NSRP1: variants seen among roughly 807,000 people sequenced by gnomAD.
NSRP1 encodes the protein coiled-coil domain containing 55.
In NSRP1, 24 loss-of-function variants were observed where a neutral mutation model predicts 54.7. The ratio of observed to expected loss-of-function variants is 0.44; its 90% CI spans 0.32 to 0.62. The LOEUF (loss-of-function observed/expected upper bound fraction) is 0.62, where lower values mean the gene tolerates loss of function less well. Ranked by LOEUF, NSRP1 falls within the 20% of genes least tolerant of loss-of-function variation. NSRP1 has a pLI of 0.06. For synonymous variants in NSRP1, 210 were observed against 213.8 expected (o/e 0.98, Z 0.15); for missense variants, 596 against 651.2 (o/e 0.92, Z 0.92).
intron 2 of NSRP1, among the ~76,000 whole-genome samples, chr17:30,120,435 C>T (rs927802939): frequency 2.0e-5 from 3 of 152,234 alleles, no homozygotes; most frequent in Admixed American, 6.5e-5. Context: ...TTAATTATGT[C>T]GTTGCATTAG....
At chr17:30,138,648 C>T (rs1370500893) in intron 2 of NSRP1, among the ~76,000 whole-genome samples, 1 of 151,936 alleles carries the variant, frequency 6.6e-6, no homozygotes, top group Admixed American at 6.6e-5. Context: ...ATAGATGGAA[C>T]CCACAGATAC....
At chr17:30,174,821 C>T (rs1905072232) in intron 3 of NSRP1, among the ~76,000 whole-genome samples, 1 of 152,158 alleles carries the variant, frequency 6.6e-6, no homozygotes, top group African/African-American at 2.4e-5. Flanking sequence ...ATAAACTTAA[C>T]ATAAGCATAA....
chr17:30,123,126 G>C (rs1465899561), intron 2 of NSRP1, among the ~76,000 whole-genome samples: 1 of 146,098 alleles, frequency 6.8e-6, no homozygotes, highest in Admixed American at 6.6e-5. Flanking sequence ...TTGAGACAGA[G>C]TCTCGCTCTG....
Position 30,172,546 on chromosome 17 carries a change from C to G in NSRP1, c.119C>G (p.Ser40Cys). The change falls in exon 3 of 7, where the codon TCT becomes TGT. Residue 40 changes from serine to cysteine, a missense_variant. Transcript: ENST00000247026. ...CAATATATTTCTGTTTTACAGACCT[C>G]TGTGAGTGAAAGCCTTCAGAGGGAA... is the stretch of plus-strand genomic sequence containing the variant. ...GNDSDDDDET[S>C]VSESLQREAA... The G allele has an allele frequency of 6.2e-7, 1 of 1,608,798 alleles. No homozygotes were observed. Among genetic ancestry groups the G allele is most frequent in the South Asian group, 1.1e-5 (1 of 90,420 alleles).
intron 2 of NSRP1, chr17:30,144,904 GA>G (rs1323484516): frequency 2.3e-4 from 35 of 151,988 alleles, no homozygotes; most frequent in Non-Finnish European, 7.4e-5. Context: ...GTGCTGCTTG[GA>G]TATCCGTGTT....
chr17:30,156,591 C>G (rs1201352256), intron 2 of NSRP1: 1 of 151,874 alleles, frequency 6.6e-6, no homozygotes, highest in Admixed American at 6.6e-5. Flanking sequence ...GCAATCTCGG[C>G]TCACCGCAAC....
At chr17:30,147,969 G>A (rs1379173971) in intron 2 of NSRP1, among the ~76,000 whole-genome samples, 1 of 151,942 alleles carries the variant, frequency 6.6e-6, no homozygotes, top group African/African-American at 2.4e-5. Flanking sequence ...GTGCTACCAT[G>A]CCCAGCTAAT....
At chr17:30,139,460 T>G (rs2071783155) in intron 2 of NSRP1, among the ~76,000 whole-genome samples, 1 of 152,166 alleles carries the variant, frequency 6.6e-6, no homozygotes, top group African/African-American at 2.4e-5. Context: ...CCAGTTTCAT[T>G]AAGTTTTCTG....
chr17:30,126,110 A>T (rs894455623), intron 2 of NSRP1: 2 of 152,186 alleles, frequency 1.3e-5, no homozygotes, highest in African/African-American at 2.4e-5. Context: ...TTCTCAAATT[A>T]TTTATGATAT....
intron 2 of NSRP1, among the ~76,000 whole-genome samples, chr17:30,162,713 C>CA (rs1904564010): frequency 6.6e-6 from 1 of 151,674 alleles, no homozygotes; most frequent in South Asian, 2.1e-4. Flanking sequence ...ATTATTTCTA[C>CA]AAAAAGAAAA....
intron 2 of NSRP1, among the ~76,000 whole-genome samples, chr17:30,133,109 ATTTTT>A (rs558445432): frequency 9.0e-6 from 1 of 110,932 alleles, no homozygotes; most frequent in Admixed American, 9.6e-5. Context: ...ACACCCAGCT[ATTTTT>A]TTTTTTTTTT....
intron 2 of NSRP1, among the ~76,000 whole-genome samples, chr17:30,140,156 G>A (rs2071790251): frequency 6.6e-6 from 1 of 152,200 alleles, no homozygotes; most frequent in African/African-American, 2.4e-5. Context: ...TTTGTTAACA[G>A]ATTTGCAAAA....
At position 30,116,860 on chromosome 17, in the gene NSRP1, G is replaced by A. The variant is rs1411974221; in HGVS notation, c.17G>A (p.Arg6Lys). 7 of 1,575,240 alleles carry A rather than the reference G, an allele frequency of 4.4e-6. No homozygotes were observed. The highest frequency in any genetic ancestry group is 1.7e-4 in the Middle Eastern group (1 of 6,026). The change falls in exon 1 of 7, where the codon AGG becomes AAG. Residue 6 changes from arginine (R) to lysine (K), a missense_variant. Physicochemically the swap from Arg to Lys is conservative, Grantham distance 26. Transcript: ENST00000247026. ...GGGAGCAAGATGGCGATTCCGGGCA[G>A]GCAGTGAGTGATCCGGGAGTTAGGG... Reference protein sequence around the residue: MAIPGRQYGLILPKKT... With the variant: MAIPGKQYGLILPKKT...
intron 3 of NSRP1, among the ~76,000 whole-genome samples, chr17:30,176,706 T>C (rs1905140000): frequency 6.6e-6 from 1 of 151,236 alleles, no homozygotes. Context: ...TTTCCCTCTT[T>C]GTGTTATCCA....
chr17:30,173,259 C>T (rs181462408), intron 3 of NSRP1, among the ~76,000 whole-genome samples: 18 of 152,252 alleles, frequency 1.2e-4, no homozygotes, highest in African/African-American at 3.4e-4. Context: ...CCACCGTGCG[C>T]GGCCTGATAA....
At chr17:30,149,061 A>G (rs2071882699) in intron 2 of NSRP1, among the ~76,000 whole-genome samples, 2 of 152,122 alleles carry the variant, frequency 1.3e-5, no homozygotes, top group Admixed American at 6.5e-5. Flanking sequence ...AAGTTTTGGC[A>G]TGTAGTGTTT....
At chr17:30,148,942 A>G (rs1597606267) in intron 2 of NSRP1, among the ~76,000 whole-genome samples, 1 of 152,044 alleles carries the variant, frequency 6.6e-6, no homozygotes, top group East Asian at 1.9e-4. Flanking sequence ...GTTCATCTAT[A>G]TTTTGTTGAT....
At chr17:30,166,622 T>C (rs1286685360) in intron 2 of NSRP1, among the ~76,000 whole-genome samples, 1 of 152,128 alleles carries the variant, frequency 6.6e-6, no homozygotes, top group Non-Finnish European at 1.5e-5. Flanking sequence ...AATACGTTTT[T>C]GTTAAGGGTA....
intron 2 of NSRP1, among the ~76,000 whole-genome samples, chr17:30,132,120 C>T (rs991340629): frequency 1.0e-4 from 15 of 149,006 alleles, no homozygotes; most frequent in Non-Finnish European, 1.7e-4. Context: ...TGGTGGCGGG[C>T]GCCTGTAGTC....
Sources: allele counts gnomAD v4.1 joint callset (sites outside exome capture counted in the v4.1 genomes callset), GRCh38; gene constraint gnomAD v4.1.1; transcripts MANE v1.5; gene names NCBI Gene and HGNC (gene_info 2026-07-23, HGNC 2026-07-21).